Variants in NOL9 observed in about 807,000 individuals in gnomAD.
NOL9 encodes nucleolar protein 9.
In NOL9, 28 loss-of-function variants were observed where a neutral mutation model predicts 67.9. The observed-to-expected ratio is 0.41, with a 90% CI of 0.31 to 0.57. NOL9 has a LOEUF of 0.57. Ranked by LOEUF, NOL9 falls within the 20% of genes least tolerant of loss-of-function variation. NOL9 has a pLI of 0.25. For missense variants in NOL9, 777 were observed against 897.0 expected, an observed-to-expected ratio of 0.87 and a Z score of 1.71; for synonymous variants, 356 against 352.2, an observed-to-expected ratio of 1.01 and a Z score of -0.12.
intron 9 of NOL9, among the ~76,000 whole-genome samples, chr1:6,529,817 T>C (rs1451678842): frequency 6.6e-6 from 1 of 151,770 alleles, no homozygotes; most frequent in Non-Finnish European, 1.5e-5. Flanking sequence ...TCCCAGCTAC[T>C]TGGGAGGCTG....
intron 2 of NOL9, 131 bp from the exon 3 acceptor site, chr1:6,549,829 G>A: frequency 9.4e-7 from 1 of 1,064,852 alleles, no homozygotes; most frequent in Non-Finnish European, 1.4e-6. Context: ...GCCTTTTTCA[G>A]GGGGCCGTAC....
rs1466282489 is a variant in NOL9 at position 6,554,497 on chromosome 1, C to G, written c.6G>C (p.Ala2=). The G allele has an allele frequency of 6.5e-7, 1 of 1,537,388 alleles. No individual in the cohort carries two copies. Among genetic ancestry groups the G allele is most frequent in the Admixed American group, 2.0e-5 (1 of 49,870 alleles). Residue 2 remains alanine, a synonymous_variant, in exon 1 of 12, where the codon GCG becomes GCC. Coordinates refer to ENST00000377705, the MANE Select transcript of NOL9 (RefSeq NM_024654.5). M[A]DSGLLLKRGS... ...CCCGCTTTAGCAGCAGTCCCGAGTCCGCCATGCTGGGTCCTCAGGGCCTAC... is the reference window on the plus strand; with the variant it reads ...CCCGCTTTAGCAGCAGTCCCGAGTCGGCCATGCTGGGTCCTCAGGGCCTAC...
At chr1:6,529,504 C>A (rs1456825465) in intron 9 of NOL9, among the ~76,000 whole-genome samples, 1 of 152,086 alleles carries the variant, frequency 6.6e-6, no homozygotes, top group Non-Finnish European at 1.5e-5. Context: ...AGAAGAATCG[C>A]TTGAACCTGG....
chr1:6,552,145 G>T (rs1199896638), intron 1 of NOL9, among the ~76,000 whole-genome samples: 1 of 152,196 alleles, frequency 6.6e-6, no homozygotes, highest in East Asian at 1.9e-4. Flanking sequence ...GGAGCCTGTG[G>T]GGGTCTGGGG....
In NOL9 at chr1:6,536,962, G is replaced by A. The variant is rs370870086; in HGVS notation, c.1076-3521C>T. ...TCCAAGGCTGCGGTGAGCTATGATT[G>A]TGCTAATTAATGCACTCCAGCCTGG... On this transcript the variant is annotated intron_variant, in intron 6 of 11. Transcript: ENST00000377705. Among the ~76,000 whole-genome samples, 15 of 152,206 alleles carry A rather than the reference G, an allele frequency of 9.9e-5. No individual in the cohort carries two copies. In the South Asian group the frequency reaches 1.2e-3, roughly 13 times the overall value.
intron 5 of NOL9, among the ~76,000 whole-genome samples, chr1:6,543,986 T>C (rs548249538): frequency 2.4e-4 from 37 of 151,848 alleles, no homozygotes; most frequent in African/African-American, 8.5e-4. Flanking sequence ...ATTAGCCGGG[T>C]ATGGTGGCGC....
chr1:6,539,160 T>C (rs1367441290), intron 6 of NOL9, among the ~76,000 whole-genome samples: 1 of 152,146 alleles, frequency 6.6e-6, no homozygotes, highest in Non-Finnish European at 1.5e-5. Context: ...AAAATAAGCA[T>C]TGGTGAGGAT....
chr1:6,549,363 G>A (rs533219651), intron 3 of NOL9: 20 of 473,452 alleles, frequency 4.2e-5, no homozygotes, highest in African/African-American at 2.9e-4. Context: ...TAAAATGGTG[G>A]CTCAGGTATG....
intron 1 of NOL9, among the ~76,000 whole-genome samples, chr1:6,552,851 G>A (rs1056490065): frequency 2.7e-5 from 4 of 150,336 alleles, no homozygotes; most frequent in Admixed American, 6.7e-5. Flanking sequence ...TCACTCTGTC[G>A]CCCAGGCTGG....
chr1:6,551,159 A>T (rs1281753730), intron 1 of NOL9, among the ~76,000 whole-genome samples: 5 of 152,088 alleles, frequency 3.3e-5, no homozygotes, highest in East Asian at 3.9e-4. Context: ...AAACATTTAA[A>T]AATTAGCAGG....
intron 1 of NOL9, among the ~76,000 whole-genome samples, chr1:6,552,340 T>C (rs932806559): frequency 9.9e-5 from 15 of 151,702 alleles, no homozygotes; most frequent in African/African-American, 3.6e-4. Context: ...TTTGATTTTC[T>C]GTACCTGAAT....
At chr1:6,547,176 G>A (rs529619351) in intron 3 of NOL9, among the ~76,000 whole-genome samples, 7 of 152,212 alleles carry the variant, frequency 4.6e-5, no homozygotes, top group East Asian at 1.9e-4. Flanking sequence ...CATTATTATC[G>A]CATCTGGTGG....
intron 6 of NOL9, among the ~76,000 whole-genome samples, chr1:6,533,933 G>T (rs1472497037): frequency 3.3e-5 from 5 of 151,496 alleles, no homozygotes; most frequent in Admixed American, 6.6e-5. Flanking sequence ...TGTTGCCCAG[G>T]CTGGACTGCA....
intron 1 of NOL9, among the ~76,000 whole-genome samples, chr1:6,550,992 A>T (rs1639533533): frequency 6.6e-6 from 1 of 152,118 alleles, no homozygotes; most frequent in South Asian, 2.1e-4. Flanking sequence ...CAAATTCTAA[A>T]ATCTTAACTT....
rs1638809680 is a variant in NOL9, at chr1:6,523,222, A to T, written c.*2632T>A. 6.6e-6 allele frequency: 1 copy of T among 151,936 alleles called. No homozygotes were observed. The highest frequency in any genetic ancestry group is 2.1e-4 in the South Asian group (1 of 4,836). The allele number at this position is 151,936 out of a possible 1,614,324, so 9.4% of individuals were successfully genotyped here. On this transcript the variant is annotated 3_prime_UTR_variant, in exon 12 of 12. Coordinates refer to ENST00000377705, the MANE Select transcript of NOL9 (RefSeq NM_024654.5). ...GGAGAACTCCTTACTACCTAATCTG[A>T]CCCATAACAGACTGTGGAAATGATA...
At chr1:6,543,590 C>T (rs1639350454) in intron 5 of NOL9, among the ~76,000 whole-genome samples, 1 of 152,150 alleles carries the variant, frequency 6.6e-6, no homozygotes, top group South Asian at 2.1e-4. Context: ...GACTCGAACT[C>T]CTTGGCTCAA....
Position 6,554,262 on chromosome 1 carries a change from C to G in NOL9, c.241G>C (p.Ala81Pro). 3 of 1,485,496 alleles carry G rather than the reference C, an allele frequency of 2.0e-6. No individual in the cohort carries two copies. Among genetic ancestry groups the G allele is most frequent in the Non-Finnish European group, 2.7e-6 (3 of 1,119,340 alleles). 92.0% of individuals were successfully genotyped at this position (1,485,496 alleles called of 1,614,324 possible). Residue 81 changes from alanine to proline, a missense_variant, in exon 1 of 12, where the codon GCG becomes CCG. Coordinates refer to ENST00000377705, the MANE Select transcript of NOL9 (RefSeq NM_024654.5). ...GGGCTAGGGATCGGGCTGGGGGTCGCGGTGTTGGGTCTCCGGGCCGCCGCC... is the reference window on the plus strand; with the variant it reads ...GGGCTAGGGATCGGGCTGGGGGTCGGGGTGTTGGGTCTCCGGGCCGCCGCC... Reference protein sequence around the residue: ...RAAAARRPNTATPSPIPSPTP... With the variant: ...RAAAARRPNTPTPSPIPSPTP...
Position 6,550,546 on chromosome 1 carries a change from T to A in NOL9, c.466A>T (p.Ile156Phe). The change falls in exon 2 of 12, where the codon ATC (isoleucine) becomes TTC (phenylalanine). Residue 156 changes from isoleucine (I) to phenylalanine (F), a missense_variant. By Grantham distance (21) the Ile-to-Phe change is conservative. This residue lies in a region of NOL9 where 364 missense variants were observed against 344.4 expected (regional missense o/e 1.06). Coordinates refer to ENST00000377705, the MANE Select transcript of NOL9 (RefSeq NM_024654.5). The part of the protein sequence containing the change: ...YGQVQVFGFT[I>F]SQGQPAQDIF... ...TCTTGGGCAGGCTGGCCTTGGCTGATGGTAAAACCAAATACCTGCACCTGG... is the reference window on the plus strand; with the variant it reads ...TCTTGGGCAGGCTGGCCTTGGCTGAAGGTAAAACCAAATACCTGCACCTGG... The A allele has an allele frequency of 6.2e-7, 1 of 1,614,048 alleles. No individual in the cohort carries two copies. Among genetic ancestry groups the A allele is most frequent in the Non-Finnish European group, 8.5e-7 (1 of 1,180,016 alleles).
At chr1:6,530,267 A>G (rs1246872585) in intron 9 of NOL9, among the ~76,000 whole-genome samples, 1 of 152,188 alleles carries the variant, frequency 6.6e-6, no homozygotes, top group African/African-American at 2.4e-5. Context: ...AGCCTGGCTA[A>G]CATGGTGAAA....
Sources: gnomAD v4.1 joint callset for allele counts (sites outside exome capture counted in the v4.1 genomes callset) on GRCh38, gnomAD v4.1.1 for gene constraint, gnomAD v4.1.1 regional missense constraint, MANE v1.5 for transcripts, NCBI Gene and HGNC (gene_info 2026-07-23, HGNC 2026-07-21) for gene names.